The following PCDH15 variants were observed in gnomAD, a reference collection of about 807,000 sequenced individuals.
PCDH15 encodes the protein protocadherin related 15.
PCDH15 carries 129 observed loss-of-function variants against 178.5 expected under a neutral mutation model. The observed-to-expected ratio is 0.72, with a 90% CI of 0.63 to 0.84. PCDH15 has a LOEUF of 0.84. Ranked by LOEUF, PCDH15 falls within the 40% of genes least tolerant of loss-of-function variation. The pLI is 0.00. For missense variants in PCDH15, 2,230 were observed against 2,099.9 expected (o/e 1.06, Z -1.21); for synonymous variants, 800 against 732.0 (o/e 1.09, Z -1.50).
intron 15 of PCDH15, among the ~76,000 whole-genome samples, chr10:54,092,610 T>C (rs1177197073): frequency 1.3e-5 from 2 of 151,138 alleles, no homozygotes; most frequent in African/African-American, 2.5e-5. Context: ...AGCCTAGGAG[T>C]AGAAAAAAAA....
intron 3 of PCDH15, among the ~76,000 whole-genome samples, chr10:54,822,322 A>C (rs1474396732): frequency 6.6e-6 from 1 of 151,898 alleles, no homozygotes; most frequent in Non-Finnish European, 1.5e-5. Flanking sequence ...GGTAACCACC[A>C]CTCTACTCTC....
chr10:54,030,371 CTTTTT>C (rs5785033), intron 18 of PCDH15, among the ~76,000 whole-genome samples: 4,109 of 143,102 alleles, frequency 0.029, 186 homozygotes, highest in African/African-American at 0.1. Context: ...CAATAGTTGT[CTTTTT>C]TTTTTTTTTT....
At chr10:54,331,668 C>T (rs1281568022) in intron 6 of PCDH15, among the ~76,000 whole-genome samples, 1 of 151,948 alleles carries the variant, frequency 6.6e-6, no homozygotes, top group Non-Finnish European at 1.5e-5. Context: ...GAGGTTATTA[C>T]ATTTTAGTGA....
chr10:54,503,563 C>T (rs960463888), intron 3 of PCDH15, among the ~76,000 whole-genome samples: 3 of 151,280 alleles, frequency 2.0e-5, no homozygotes, highest in Non-Finnish European at 4.4e-5. Context: ...GCTTGACTCA[C>T]ATAGCTGTAC....
upstream of PCDH15, among the ~76,000 whole-genome samples, chr10:55,319,929 T>G (rs1843844568): frequency 6.6e-6 from 1 of 152,046 alleles, no homozygotes; most frequent in African/African-American, 2.4e-5. Flanking sequence ...TACTGTTGGA[T>G]CTGAACAGAG....
chr10:54,378,406 C>T (rs74136134), intron 4 of PCDH15, among the ~76,000 whole-genome samples: 1,680 of 152,072 alleles, frequency 0.011, 12 homozygotes, highest in Middle Eastern at 0.034. Flanking sequence ...TGTGAGTGCA[C>T]CCACCAAACT....
chr10:54,186,576 C>T (rs1271814243), intron 11 of PCDH15, among the ~76,000 whole-genome samples: 1 of 151,928 alleles, frequency 6.6e-6, no homozygotes, highest in Non-Finnish European at 1.5e-5. Flanking sequence ...GTAGTAGCTT[C>T]TATGTTCAGG....
intron 28 of PCDH15, among the ~76,000 whole-genome samples, chr10:53,850,059 GATAAC>G (rs1387309799): frequency 2.0e-5 from 3 of 152,018 alleles, no homozygotes; most frequent in South Asian, 2.1e-4. Flanking sequence ...ATTGGGCTAA[GATAAC>G]ATTCCTCCAA....
At chr10:54,270,072 C>T (rs2057949968) in intron 8 of PCDH15, among the ~76,000 whole-genome samples, 1 of 151,938 alleles carries the variant, frequency 6.6e-6, no homozygotes, top group Admixed American at 6.6e-5. Context: ...ATAAAATAAA[C>T]TGCCTTATTG....
intron 1 of PCDH15, among the ~76,000 whole-genome samples, chr10:54,796,221 A>AT (rs1281092994): frequency 1.7e-5 from 2 of 119,868 alleles, no homozygotes; most frequent in African/African-American, 3.1e-5. Context: ...GTCTTTCTAC[A>AT]TTATCTATCT....
chr10:53,959,651 A>G (rs1334333833), intron 23 of PCDH15, 81 bp downstream of exon 23: 4 of 1,055,914 alleles, frequency 3.8e-6, no homozygotes, highest in Non-Finnish European at 4.3e-6. Flanking sequence ...TCATAAATTC[A>G]TATTACATCA....
At chr10:54,663,501 C>G (rs2094522654) in intron 2 of PCDH15, among the ~76,000 whole-genome samples, 1 of 149,572 alleles carries the variant, frequency 6.7e-6, no homozygotes, top group Non-Finnish European at 1.5e-5. Context: ...ACAGATTCTG[C>G]CAATATTGAA....
chr10:55,563,004 A>G (rs908696215), intron 2 of PCDH15, among the ~76,000 whole-genome samples: 4 of 152,094 alleles, frequency 2.6e-5, no homozygotes, highest in African/African-American at 9.6e-5. Flanking sequence ...TTAGCTTAGG[A>G]GCAACTATCT....
Position 54,098,877 on chromosome 10 carries a change from C to T in PCDH15, c.1918-8814G>A, listed in dbSNP as rs2094751509. Among the ~76,000 whole-genome samples the T allele has an allele frequency of 3.3e-5, 5 of 152,076 alleles. No individual in the cohort carries two copies. In the South Asian group the frequency reaches 1.0e-3, roughly 31 times the overall value. On this transcript the variant is annotated intron_variant, in intron 15 of 37. Coordinates refer to ENST00000644397, the MANE Select transcript of PCDH15 (RefSeq NM_001384140.1). The stretch of plus-strand genomic sequence containing the variant: ...TAGAAAAAAATCAGAATCAACATTT[C>T]TGTCATTAAAAAAATTTCTTCATGA...
Position 55,248,127 on chromosome 10 carries a change from T to A in PCDH15, c.-156+71472A>T, listed in dbSNP as rs183931907. Among the ~76,000 whole-genome samples the A allele has an allele frequency of 1.7e-3, 254 of 151,860 alleles. 2 individuals carry two copies. The highest frequency in any genetic ancestry group is 2.9e-3 in the Non-Finnish European group (194 of 67,926). ...ATTACAGAGGTTGGGGCTTTCTTAA[T>A]CTTTTCAGTGAAATCTGTCCATTTT... is the stretch of plus-strand genomic sequence containing the variant. On this transcript the variant is annotated intron_variant, in intron 1 of 5. Transcript: ENST00000458638.
chr10:53,872,733 C>G (rs2079958305), intron 26 of PCDH15, among the ~76,000 whole-genome samples: 1 of 152,190 alleles, frequency 6.6e-6, no homozygotes, highest in Admixed American at 6.6e-5. Context: ...CTCTTTCTCA[C>G]TCCAGAAGTT....
At chr10:55,615,393 A>G (rs1366869274) in intron 2 of PCDH15, among the ~76,000 whole-genome samples, 1 of 152,232 alleles carries the variant, frequency 6.6e-6, no homozygotes, top group Non-Finnish European at 1.5e-5. Context: ...AGGTACATTA[A>G]TGAAAAATAA....
intron 1 of PCDH15, among the ~76,000 whole-genome samples, chr10:55,303,237 C>A (rs1843333304): frequency 6.6e-6 from 1 of 152,118 alleles, no homozygotes; most frequent in Non-Finnish European, 1.5e-5. Flanking sequence ...ATTCTGCATT[C>A]TCTTTGCCCG....
At chr10:54,634,614 G>C (rs2093797231) in intron 2 of PCDH15, among the ~76,000 whole-genome samples, 1 of 151,914 alleles carries the variant, frequency 6.6e-6, no homozygotes, top group Non-Finnish European at 1.5e-5. Context: ...GGAATGGAAA[G>C]CAAAATCAAC....
Sources: allele counts gnomAD v4.1 joint callset (sites outside exome capture counted in the v4.1 genomes callset), GRCh38; gene constraint gnomAD v4.1.1; transcripts MANE v1.5; gene names NCBI Gene and HGNC (gene_info 2026-07-23, HGNC 2026-07-21).